ZNF800: variants seen among roughly 807,000 people sequenced by gnomAD.
ZNF800 encodes the protein zinc finger protein 800.
In ZNF800, 13 loss-of-function variants were observed where a neutral mutation model predicts 59.5. The observed-to-expected ratio is 0.22, with a 90% CI of 0.14 to 0.35. ZNF800 has a LOEUF of 0.35. Among genes scored for constraint, ZNF800 ranks in the 10% least tolerant of loss-of-function variants. The pLI is 1.00. For missense variants in ZNF800, 621 were observed against 783.7 expected, an observed-to-expected ratio of 0.79 and a Z score of 2.48; for synonymous variants, 266 against 265.7, an observed-to-expected ratio of 1.00 and a Z score of -0.01.
chr7:127,366,312 C>T (rs1361941), downstream of ZNF800, among the ~76,000 whole-genome samples: 143,014 of 152,236 alleles, frequency 0.94, 67,258 homozygotes, highest in East Asian at 1. Flanking sequence ...AAAGCACAAA[C>T]AGAAAAGCAG....
intron 3 of ZNF800, among the ~76,000 whole-genome samples, chr7:127,384,180 T>C (rs573252040): frequency 1.3e-5 from 2 of 149,800 alleles, no homozygotes; most frequent in Admixed American, 6.7e-5. Flanking sequence ...TTGATAAGGC[T>C]GTTTTTTAAC....
At chr7:127,350,043 C>T (rs1346920344) in intron 1 of ZNF800, 2 of 152,196 alleles carry the variant, frequency 1.3e-5, no homozygotes, top group East Asian at 1.9e-4. Context: ...GGGGGATAAC[C>T]TGAATCCCTA....
rs1046844246 is a variant in ZNF800, at chr7:127,373,040, A to G, written c.1994+302T>C. ...AGACTTCTATTGTAAACATAAGCCA[A>G]TATAAATGTATATATTTTACAACAT... On this transcript the variant is annotated intron_variant, in intron 5 of 5. Coordinates refer to ENST00000265827, the MANE Select transcript of ZNF800 (RefSeq NM_176814.5). 74 of 985,172 alleles carry G rather than the reference A, an allele frequency of 7.5e-5. No individual in the cohort carries two copies. The African/African-American group carries it at 1.2e-3, about 15-fold the overall frequency. 61.0% of individuals were successfully genotyped at this position (985,172 alleles called of 1,614,324 possible). A position where few individuals can be genotyped will look rare whatever the true frequency, so the allele number is the denominator to read the frequency against.
In ZNF800 at chr7:127,370,162, A is replaced by G. The variant is rs1457890118; in HGVS notation, c.*1652T>C. The G allele has an allele frequency of 1.3e-5, 2 of 152,208 alleles. No individual in the cohort carries two copies. The highest frequency in any genetic ancestry group is 1.5e-5 in the Non-Finnish European group (1 of 68,010). The allele number at this position is 152,208 out of a possible 1,614,324, so 9.4% of individuals were successfully genotyped here. A position where few individuals can be genotyped will look rare whatever the true frequency, so the allele number is the denominator to read the frequency against. On this transcript the variant is annotated 3_prime_UTR_variant, in exon 6 of 6. Transcript: ENST00000265827. Reference sequence around the variant, plus strand: ...ACTATTAGTTATTAAAGTTAGATCTATAAGTACAAATTTTCAATATGTGGG... The same window carrying G: ...ACTATTAGTTATTAAAGTTAGATCTGTAAGTACAAATTTTCAATATGTGGG...
Position 127,376,322 on chromosome 7 carries a change from G to A in ZNF800, c.301+864C>T, listed in dbSNP as rs552208617. ...TGCACAGAATCCACAATGCATCTAC[G>A]CTTTCAGACTGACAAAGTAAGTTCT... is the stretch of plus-strand genomic sequence containing the variant. On this transcript the variant is annotated intron_variant, in intron 4 of 5. Coordinates refer to ENST00000265827, the MANE Select transcript of ZNF800 (RefSeq NM_176814.5). Among the ~76,000 whole-genome samples, 7 of 151,938 alleles carry A rather than the reference G, an allele frequency of 4.6e-5. No homozygotes were observed. The South Asian group carries it at 6.2e-4, about 14-fold the overall frequency.
chr7:127,380,210 T>C (rs567977551), intron 3 of ZNF800, among the ~76,000 whole-genome samples: 3 of 152,276 alleles, frequency 2.0e-5, no homozygotes, highest in Admixed American at 1.3e-4. Flanking sequence ...TGTTTTGTAA[T>C]TAATTTCTTT....
intron 2 of ZNF800, among the ~76,000 whole-genome samples, chr7:127,387,527 T>G (rs1008696904): frequency 2.0e-5 from 3 of 152,216 alleles, no homozygotes; most frequent in Non-Finnish European, 4.4e-5. Flanking sequence ...AATGATGTTT[T>G]GGGACCAACT....
intron 5 of ZNF800, 83 bp from the exon 6 acceptor site, chr7:127,371,897 T>G: frequency 1.6e-6 from 1 of 636,504 alleles, no homozygotes; most frequent in African/African-American, 1.9e-5. Context: ...GTAAATTACT[T>G]CTAAAAGATG....
At chr7:127,354,344 ATAATT>A (rs1262784054) in intron 1 of ZNF800, among the ~76,000 whole-genome samples, 2 of 152,256 alleles carry the variant, frequency 1.3e-5, no homozygotes, top group African/African-American at 4.8e-5. Flanking sequence ...GAAATAAATA[ATAATT>A]TAATACTCTG....
chr7:127,380,841 G>A (rs926123141), intron 3 of ZNF800, among the ~76,000 whole-genome samples: 1 of 152,146 alleles, frequency 6.6e-6, no homozygotes, highest in African/African-American at 2.4e-5. Context: ...ACATAGATCA[G>A]TACCTTTCAA....
At chr7:127,360,198 G>A (rs1800367835) in intron 1 of ZNF800, 1 of 152,096 alleles carries the variant, frequency 6.6e-6, no homozygotes, top group Non-Finnish European at 1.5e-5. Context: ...ATATATAGGA[G>A]CTTGGACACT....
chr7:127,353,961 A>G (rs1273235499), intron 1 of ZNF800, among the ~76,000 whole-genome samples: 2 of 152,102 alleles, frequency 1.3e-5, no homozygotes, highest in Non-Finnish European at 2.9e-5. Context: ...CAAATGAAAG[A>G]CTATTTCTGT....
chr7:127,376,440 A>G (rs1218913982), intron 4 of ZNF800, among the ~76,000 whole-genome samples: 1 of 151,958 alleles, frequency 6.6e-6, no homozygotes, highest in Non-Finnish European at 1.5e-5. Flanking sequence ...TTAATTCTTT[A>G]AAGAAAGAAA....
At position 127,377,039 on chromosome 7, in the gene ZNF800, TTCTCCA is replaced by T. The variant is rs1206694020; in HGVS notation, c.301+141_301+146del. 14 of 656,664 alleles carry T rather than the reference TTCTCCA, an allele frequency of 2.1e-5. No homozygotes were observed. Among genetic ancestry groups the T allele is most frequent in the Admixed American group, 1.4e-4 (4 of 29,506 alleles). The allele number at this position is 656,664 out of a possible 1,614,324, so 40.7% of individuals were successfully genotyped here. A position where few individuals can be genotyped will look rare whatever the true frequency, so the allele number is the denominator to read the frequency against. On this transcript the variant is annotated intron_variant, in intron 4 of 5. Coordinates refer to ENST00000265827, the MANE Select transcript of ZNF800 (RefSeq NM_176814.5). This position sits in a 1 kb window ranked among gnomAD's most constrained non-coding sequence, Gnocchi z 4.7. ...ACATTGAGTCAAGTATTTAATTTTA[TTCTCCA>T]TCTCCATCTAAAAATTATCTGTAAC...
At chr7:127,369,764 G>C (rs1800588201), downstream of ZNF800, among the ~76,000 whole-genome samples, 1 of 151,980 alleles carries the variant, frequency 6.6e-6, no homozygotes, top group Non-Finnish European at 1.5e-5. Context: ...TACTATGGAG[G>C]AGACACACTG....
At chr7:127,378,888 A>G (rs1800870057) in intron 3 of ZNF800, among the ~76,000 whole-genome samples, 1 of 152,138 alleles carries the variant, frequency 6.6e-6, no homozygotes, top group African/African-American at 2.4e-5. Flanking sequence ...TAATCTTTAT[A>G]CTTTGGTTTA....
intron 3 of ZNF800, among the ~76,000 whole-genome samples, chr7:127,381,294 G>A (rs1314165143): frequency 6.6e-6 from 1 of 152,052 alleles, no homozygotes; most frequent in East Asian, 1.9e-4. Flanking sequence ...TCAAAACACT[G>A]CAAGTAAATA....
chr7:127,359,670 T>G (rs1244154362), intron 1 of ZNF800: 1 of 152,094 alleles, frequency 6.6e-6, no homozygotes, highest in African/African-American at 2.4e-5. Context: ...CCTCTACTTG[T>G]CTTTTATTTG....
downstream of ZNF800, among the ~76,000 whole-genome samples, chr7:127,345,581 G>A (rs1800046021): frequency 6.6e-6 from 1 of 152,108 alleles, no homozygotes; most frequent in South Asian, 2.1e-4. Flanking sequence ...AAAATATCTT[G>A]GCATATTGGA....
Sources: gnomAD v4.1 joint callset for allele counts (sites outside exome capture counted in the v4.1 genomes callset) on GRCh38, gnomAD v4.1.1 for gene constraint, Gnocchi (gnomAD v3.1) non-coding constraint, MANE v1.5 for transcripts, NCBI Gene and HGNC (gene_info 2026-07-23, HGNC 2026-07-21) for gene names.